CNIH2: variants seen among roughly 807,000 people sequenced by gnomAD.
CNIH2 encodes protein cornichon homolog 2.
Under a neutral mutation model 22.9 loss-of-function variants are expected in CNIH2, and 8 were observed. The ratio of observed to expected loss-of-function variants is 0.35; its 90% CI spans 0.20 to 0.63. The LOEUF (loss-of-function observed/expected upper bound fraction) is 0.63. Among genes scored for constraint, CNIH2 ranks in the 30% least tolerant of loss-of-function variants. CNIH2 has a pLI of 0.72. For synonymous variants in CNIH2, 74 were observed against 78.2 expected, an observed-to-expected ratio of 0.95 and a Z score of 0.28; for missense variants, 105 against 206.2, an observed-to-expected ratio of 0.51 and a Z score of 3.01.
intron 1 of CNIH2, among the ~76,000 whole-genome samples, chr11:66,280,922 G>A (rs1176955608): frequency 6.6e-6 from 1 of 152,118 alleles, no homozygotes; most frequent in African/African-American, 2.4e-5. Flanking sequence ...AGGCTCCTCT[G>A]CCAGCCCATT....
In CNIH2 at chr11:66,278,546, G is replaced by A; in HGVS notation, c.81+9G>A. On this transcript the variant is annotated intron_variant, in intron 1 of 5. Transcript: ENST00000311445. ...TCTTTGTCATCTGGCACGTAAGGCC[G>A]GGCTGGGGCTGGGGCTGGGGGCGGG... The A allele has an allele frequency of 7.7e-7, 1 of 1,291,200 alleles. No individual in the cohort carries two copies. Among genetic ancestry groups the A allele is most frequent in the Admixed American group, 2.7e-5 (1 of 36,560 alleles). 80.0% of individuals were successfully genotyped at this position (1,291,200 alleles called of 1,614,324 possible).
At chr11:66,282,978 T>C in intron 3 of CNIH2, 57 bp from the exon 4 acceptor site, 1 of 1,507,496 alleles carries the variant, frequency 6.6e-7, no homozygotes, top group African/African-American at 1.4e-5. Flanking sequence ...CTCTGTCCCC[T>C]TGAAGGCTGG....
intron 3 of CNIH2, 26 bp downstream of exon 3, chr11:66,282,806 G>T (rs1279278861): frequency 6.2e-7 from 1 of 1,600,848 alleles, no homozygotes; most frequent in East Asian, 2.3e-5. Context: ...GGGGGCAGGA[G>T]GCTCCTAGCC....
In CNIH2 at chr11:66,278,553, G is replaced by C; in HGVS notation, c.81+16G>C. 1 of 1,401,602 alleles carries C rather than the reference G, an allele frequency of 7.1e-7. No homozygotes were observed. 86.8% of individuals were successfully genotyped at this position (1,401,602 alleles called of 1,614,324 possible). ...CATCTGGCACGTAAGGCCGGGCTGG[G>C]GCTGGGGCTGGGGGCGGGGTGGGGG... On this transcript the variant is annotated intron_variant, in intron 1 of 5. Transcript: ENST00000311445.
At chr11:66,281,780 A>G (rs1857262060) in intron 1 of CNIH2, among the ~76,000 whole-genome samples, 1 of 150,786 alleles carries the variant, frequency 6.6e-6, no homozygotes, top group South Asian at 2.1e-4. Flanking sequence ...CATTTCCCCC[A>G]TTTGCTCACC....
chr11:66,278,924 C>A (rs559851101), intron 1 of CNIH2, among the ~76,000 whole-genome samples: 21 of 107,016 alleles, frequency 2.0e-4, no homozygotes, highest in South Asian at 4.1e-4. Context: ...TGCCCCCCCC[C>A]CCCCGCCTTT....
At chr11:66,282,429 G>GGGGGGGGC in intron 2 of CNIH2, 102 bp downstream of exon 2, 16 of 479,414 alleles carry the variant, frequency 3.3e-5, no homozygotes, top group East Asian at 2.3e-4. Context: ...GGGGTGGGGG[G>GGGGGGGGC]CCTACGGCCA....
At chr11:66,282,391 T>TGGGGGGGGG in intron 2 of CNIH2, 64 bp downstream of exon 2, 1 of 147,320 alleles carries the variant, frequency 6.8e-6, no homozygotes, top group East Asian at 2.8e-4. Context: ...TGTCGTGGGC[T>TGGGGGGGGG]GGGGGTGGGA....
chr11:66,282,862 G>C, intron 3 of CNIH2, 82 bp downstream of exon 3: 2 of 1,511,974 alleles, frequency 1.3e-6, no homozygotes, highest in Non-Finnish European at 1.8e-6. Flanking sequence ...GCCTTCCCCT[G>C]CTTTGGGCCT....
At chr11:66,281,304 A>G (rs540341448) in intron 1 of CNIH2, 1 of 448,548 alleles carries the variant, frequency 2.2e-6, no homozygotes, top group Admixed American at 2.4e-5. Context: ...GCCCTGGACA[A>G]GTCACTTAAC....
chr11:66,282,920 A>G, intron 3 of CNIH2, 115 bp from the exon 4 acceptor site: 1 of 1,357,610 alleles, frequency 7.4e-7, no homozygotes, highest in Non-Finnish European at 1.0e-6. Context: ...GAGGCCTTTT[A>G]ATCCCCAGAG....
intron 1 of CNIH2, chr11:66,281,592 C>T (rs1857259489): frequency 2.4e-6 from 1 of 410,604 alleles, no homozygotes; most frequent in Non-Finnish European, 5.0e-6. Context: ...CAAACTCCTG[C>T]TCTGGCCTCA....
intron 2 of CNIH2, 152 bp from the exon 3 acceptor site, chr11:66,282,581 G>A (rs1857276255): frequency 2.9e-5 from 28 of 949,400 alleles, no homozygotes. Context: ...GGTGACGGTC[G>A]CCATGGGGAC....
Position 66,283,259 on chromosome 11 carries a change from G to A in CNIH2, c.323G>A (p.Arg108His), listed in dbSNP as rs1489892383. ...CCTGTCTGCCCCAGGTACTTCCACC[G>A]TCCTGCAGATGGCTCTGAGGTCATG... Reference protein sequence around the residue: ...LFYHLWRYFHRPADGSEVMYD... With the variant: ...LFYHLWRYFHHPADGSEVMYD... The change falls in exon 5 of 6, where the codon CGT becomes CAT. Residue 108 changes from arginine to histidine, a missense_variant. By Grantham distance (29) the Arg-to-His change is conservative. Coordinates refer to ENST00000311445, the MANE Select transcript of CNIH2 (RefSeq NM_182553.3). 1 of 1,614,018 alleles carries A rather than the reference G, an allele frequency of 6.2e-7. No individual in the cohort carries two copies. The highest frequency in any genetic ancestry group is 8.5e-7 in the Non-Finnish European group (1 of 1,179,994).
At chr11:66,278,776 C>G (rs1282502582) in intron 1 of CNIH2, among the ~76,000 whole-genome samples, 2 of 151,172 alleles carry the variant, frequency 1.3e-5, no homozygotes, top group East Asian at 2.0e-4. Context: ...ACCCCCTCCT[C>G]TGCCCTCGTC....
rs777535430 is a variant in CNIH2, at chr11:66,278,545, C to T, written c.81+8C>T. The T allele has an allele frequency of 2.9e-5, 19 of 647,022 alleles. No individual in the cohort carries two copies. The highest frequency in any genetic ancestry group is 4.4e-5 in the Non-Finnish European group (19 of 430,836). The allele number at this position is 647,022 out of a possible 1,614,324, so 40.1% of individuals were successfully genotyped here. A position where few individuals can be genotyped will look rare whatever the true frequency, so the allele number is the denominator to read the frequency against. ...TTCTTTGTCATCTGGCACGTAAGGCCGGGCTGGGGCTGGGGCTGGGGGCGG... is the reference window on the plus strand; with the variant it reads ...TTCTTTGTCATCTGGCACGTAAGGCTGGGCTGGGGCTGGGGCTGGGGGCGG... On this transcript the variant is annotated splice_region_variant and intron_variant, in intron 1 of 5. Transcript: ENST00000311445.
chr11:66,283,640 C>T lies in CNIH2; in HGVS notation c.*43C>T. ...GAGCGAGCCCAGAACGGACCGGACG[C>T]CTGTGCACCCCCAGCCCTGCCCCTT... On this transcript the variant is annotated 3_prime_UTR_variant, in exon 6 of 6. Transcript: ENST00000311445. 6.4e-7 allele frequency: 1 copy of T among 1,552,056 alleles called. No individual in the cohort carries two copies. Among genetic ancestry groups the T allele is most frequent in the Non-Finnish European group, 8.7e-7 (1 of 1,147,184 alleles).
Position 66,283,850 on chromosome 11 carries a change from A to C in CNIH2, c.*253A>C. On this transcript the variant is annotated 3_prime_UTR_variant, in exon 6 of 6. Coordinates refer to ENST00000311445, the MANE Select transcript of CNIH2 (RefSeq NM_182553.3). ...TCCTCTGCCAGCCTGTGGGCATGGC[A>C]GTCATTCCTGGAAGGGGCAGGACCT... The C allele has an allele frequency of 1.9e-6, 1 of 521,946 alleles. No individual in the cohort carries two copies. 32.3% of individuals were successfully genotyped at this position (521,946 alleles called of 1,614,324 possible).
chr11:66,282,717 T>C lies in CNIH2; in HGVS notation c.151-16T>C, dbSNP rs377010535. ...TTCTCCGCCACCCCATCGCGGCCTT[T>C]TCCTTCCCCCAACAGCGCGAGCGTT... On this transcript the variant is annotated splice_polypyrimidine_tract_variant and intron_variant, in intron 2 of 5. Transcript: ENST00000311445. The C allele has an allele frequency of 2.5e-6, 4 of 1,613,618 alleles. No individual in the cohort carries two copies. The African/African-American group carries it at 4.0e-5, about 16-fold the overall frequency.
Sources: allele counts gnomAD v4.1 joint callset (sites outside exome capture counted in the v4.1 genomes callset), GRCh38; gene constraint gnomAD v4.1.1; transcripts MANE v1.5; gene names NCBI Gene and HGNC (gene_info 2026-07-23, HGNC 2026-07-21).